ASMTL: variants seen among roughly 807,000 people sequenced by gnomAD.
The protein encoded by ASMTL is acetylserotonin O-methyltransferase like.
ASMTL carries 57 observed loss-of-function variants against 60.3 expected under a neutral mutation model. The ratio of observed to expected loss-of-function variants is 0.95; its 90% confidence interval spans 0.76 to 1.18. ASMTL has a LOEUF of 1.18. Among genes scored for constraint, ASMTL ranks in the 50% most tolerant of loss-of-function variants. The probability of loss-of-function intolerance (pLI) is 0.00; values close to 1 mark genes in which losing one functional copy is unlikely to be tolerated. For missense variants in ASMTL, 981 were observed against 852.6 expected (o/e 1.15, Z -1.88); for synonymous variants, 419 against 373.0 (o/e 1.12, Z -1.42).
At chrX:1,425,797 ATTGAGCC>A (rs1383299897) in intron 7 of ASMTL, 110 bp from the exon 8 acceptor site, 1 of 1,114,878 alleles carries the variant, frequency 9.0e-7, no homozygotes, top group African/African-American at 1.6e-5. Context: ...CAACTTGGCC[ATTGAGCC>A]TTCTTTCACA....
At chrX:1,425,422 G>A in intron 8 of ASMTL, 103 bp downstream of exon 8, 1 of 1,299,572 alleles carries the variant, frequency 7.7e-7, no homozygotes. Flanking sequence ...AGGGACAGAA[G>A]GTGTGGGCCT....
chrX:1,445,936 G>T (rs1203729382), intron 1 of ASMTL, among the ~76,000 whole-genome samples: 1 of 151,954 alleles, frequency 6.6e-6, no homozygotes, highest in Non-Finnish European at 1.5e-5. Context: ...CCCTGGGGGG[G>T]TTTAGAGAAG....
rs773416774 is a variant in ASMTL, at chrX:1,428,037, T to C, written c.594A>G (p.Gly198=). 1.9e-6 allele frequency: 3 copies of C among 1,613,638 alleles called. No homozygotes were observed. The South Asian group carries it at 3.3e-5, about 18-fold the overall frequency. The change falls in exon 7 of 13, where the codon GGA becomes GGG. Residue 198 remains glycine, a synonymous_variant. Coordinates refer to ENST00000381317, the MANE Select transcript of ASMTL (RefSeq NM_004192.4). ...GCTTGCAGAAGTGGTTCAGCGGGAA[T>C]CCCACCACGTTCAGAAAGTCCCCGT... The part of the protein sequence containing the change: ...SVHGDFLNVV[G]FPLNHFCKQL...
chrX:1,428,098 A>G lies in ASMTL; in HGVS notation c.533T>C (p.Ile178Thr), dbSNP rs1182542397. 2 of 1,606,992 alleles carry G rather than the reference A, an allele frequency of 1.2e-6. No individual in the cohort carries two copies. The highest frequency in any genetic ancestry group is 1.7e-6 in the Non-Finnish European group (2 of 1,174,496). ...EPMDKAGGYG[I>T]QALGGMLVES... ...CACCAGCATGCCGCCCAGGGCCTGG[A>G]TCCCGTAGCCGCCAGCTTTGTCCCT... is the stretch of plus-strand genomic sequence containing the variant. The change falls in exon 7 of 13, where the codon ATC becomes ACC. Residue 178 changes from isoleucine to threonine, a missense_variant. Physicochemically the swap from Ile to Thr is moderately conservative, Grantham distance 89. Transcript: ENST00000381317.
chrX:1,443,842 C>G (rs1457665895), intron 1 of ASMTL, among the ~76,000 whole-genome samples: 1 of 151,558 alleles, frequency 6.6e-6, no homozygotes, highest in Non-Finnish European at 1.5e-5. Context: ...TTTTGGCCAT[C>G]GAGGACACAC....
At chrX:1,420,618 C>T (rs1239497122) in intron 9 of ASMTL, among the ~76,000 whole-genome samples, 2 of 152,214 alleles carry the variant, frequency 1.3e-5, no homozygotes, top group Non-Finnish European at 2.9e-5. Flanking sequence ...ACAGGCCCCA[C>T]GGACCCCACC....
intron 1 of ASMTL, among the ~76,000 whole-genome samples, chrX:1,451,920 A>AG (rs1427449269): frequency 1.8e-5 from 2 of 109,922 alleles, no homozygotes; most frequent in South Asian, 3.2e-4. Context: ...CCCCATCCCT[A>AG]GGGGGTCCCG....
chrX:1,405,787 G>A (rs2089805864), intron 12 of ASMTL, among the ~76,000 whole-genome samples: 1 of 151,866 alleles, frequency 6.6e-6, no homozygotes, highest in South Asian at 2.1e-4. Flanking sequence ...AAGATGAATA[G>A]ATGGATGCAT....
Position 1,411,123 on chromosome X carries a change from A to T in ASMTL, c.1645+1609T>A, listed in dbSNP as rs2090001687. ...CACTTGAACCCTGGGGGTGGAGGTTACGGAGAGCCAAGATCGTGCCACTGC... is the reference window on the plus strand; with the variant it reads ...CACTTGAACCCTGGGGGTGGAGGTTTCGGAGAGCCAAGATCGTGCCACTGC... On this transcript the variant is annotated intron_variant, in intron 12 of 12. Coordinates refer to ENST00000381317, the MANE Select transcript of ASMTL (RefSeq NM_004192.4). Among the ~76,000 whole-genome samples the T allele has an allele frequency of 2.6e-5, 4 of 151,900 alleles. No homozygotes were observed. In the South Asian group the frequency reaches 8.3e-4, roughly 32 times the overall value.
At chrX:1,426,506 T>G (rs1374877315) in intron 7 of ASMTL, among the ~76,000 whole-genome samples, 2 of 152,150 alleles carry the variant, frequency 1.3e-5, no homozygotes, top group Non-Finnish European at 2.9e-5. Context: ...TTGGGAGGGC[T>G]GCATCCCTTC....
At chrX:1,452,694 G>A (rs2091427034) in intron 1 of ASMTL, 54 bp downstream of exon 1, 4 of 1,462,630 alleles carry the variant, frequency 2.7e-6, no homozygotes, top group East Asian at 2.4e-5. Context: ...TGGGCCCTCC[G>A]GGGTTCAGCC....
chrX:1,412,776 TTGTCGTC>T lies in ASMTL; in HGVS notation c.1594_1600del (p.Asp532LysfsTer37). 3.1e-6 allele frequency: 5 copies of T among 1,613,964 alleles called. No homozygotes were observed. Among genetic ancestry groups the T allele is most frequent in the Non-Finnish European group, 4.2e-6 (5 of 1,179,856 alleles). ...GACCCTGCTGAGTAACTTGTGGACT[TTGTCGTC>T]TGGCCAGTCATGCAGGATCCGGCAC... On this transcript the variant is annotated frameshift_variant, in exon 12 of 13. Transcript: ENST00000381317. LOFTEE classifies it low-confidence loss of function (END_TRUNC).
At chrX:1,436,509 C>T (rs1184778210) in intron 3 of ASMTL, among the ~76,000 whole-genome samples, 1 of 152,096 alleles carries the variant, frequency 6.6e-6, no homozygotes, top group Non-Finnish European at 1.5e-5. Context: ...CCCGCCACCA[C>T]ACCCGGCTAA....
At chrX:1,403,695 T>C in intron 12 of ASMTL, 1 of 602,662 alleles carries the variant, frequency 1.7e-6, no homozygotes, top group Non-Finnish European at 3.0e-6. Context: ...GGAGATTTGA[T>C]CGAAAGATGG....
intron 8 of ASMTL, 105 bp downstream of exon 8, chrX:1,425,420 A>T: frequency 7.8e-7 from 1 of 1,282,818 alleles, no homozygotes; most frequent in Non-Finnish European, 1.1e-6. Context: ...AGAGGGACAG[A>T]AGGTGTGGGC....
At chrX:1,428,646 C>CAAATAAATAAATAAATAGATAAATAAAT (rs1556661383) in intron 6 of ASMTL, among the ~76,000 whole-genome samples, 2 of 134,420 alleles carry the variant, frequency 1.5e-5, no homozygotes, top group Non-Finnish European at 3.1e-5. Flanking sequence ...GACTCCGTCT[C>CAAATAAATAAATAAATAGATAAATAAAT]AAATAAATAA....
chrX:1,427,390 A>G (rs1471021981), intron 7 of ASMTL, among the ~76,000 whole-genome samples: 1 of 151,892 alleles, frequency 6.6e-6, no homozygotes, highest in East Asian at 1.9e-4. Context: ...GTAATTAAGA[A>G]TCTCAAGAGG....
intron 12 of ASMTL, among the ~76,000 whole-genome samples, chrX:1,405,234 A>T (rs1394593450): frequency 2.9e-5 from 4 of 136,878 alleles, no homozygotes; most frequent in African/African-American, 1.1e-4. Flanking sequence ...AGATGGATGG[A>T]TGGGTGAACA....
In ASMTL at chrX:1,427,644, C is replaced by T. The variant is rs1199925543; in HGVS notation, c.897+90G>A. 9 of 1,413,032 alleles carry T rather than the reference C, an allele frequency of 6.4e-6. No individual in the cohort carries two copies. In the Admixed American group the frequency reaches 7.9e-5, roughly 12 times the overall value. The allele number at this position is 1,413,032 out of a possible 1,614,324, so 87.5% of individuals were successfully genotyped here. ...CAACCTGACCTCAGACTGCCAGCCT[C>T]CAGGACAGTGAGAAGTAAATTCCCT... On this transcript the variant is annotated intron_variant, in intron 7 of 12. Coordinates refer to ENST00000381317, the MANE Select transcript of ASMTL (RefSeq NM_004192.4).
Sources: gnomAD v4.1 joint callset for allele counts (sites outside exome capture counted in the v4.1 genomes callset) on GRCh38, gnomAD v4.1.1 for gene constraint, MANE v1.5 for transcripts, NCBI Gene and HGNC (gene_info 2026-07-23, HGNC 2026-07-21) for gene names.